RUNX1: variants seen among roughly 807,000 people sequenced by gnomAD.
The protein encoded by RUNX1 is runt-related transcription factor 1.
A neutral mutation model predicts 42.8 loss-of-function variants in RUNX1; 19 were observed. The observed-to-expected ratio is 0.44, with a 90% CI of 0.31 to 0.65. The LOEUF is 0.65. RUNX1 is among the 30% of genes least tolerant of loss of function. RUNX1 has a pLI of 0.07. For synonymous variants in RUNX1, 271 were observed against 289.4 expected, an observed-to-expected ratio of 0.94 and a Z score of 0.64; for missense variants, 528 against 672.0, an observed-to-expected ratio of 0.79 and a Z score of 2.37.
intron 2 of RUNX1, among the ~76,000 whole-genome samples, chr21:34,958,442 T>C (rs1355573749): frequency 6.6e-6 from 1 of 151,970 alleles, no homozygotes; most frequent in Non-Finnish European, 1.5e-5. Context: ...AAAAGACACA[T>C]GAAAAAATGC....
chr21:35,043,606 A>G (rs2059375719), intron 2 of RUNX1, among the ~76,000 whole-genome samples: 1 of 152,224 alleles, frequency 6.6e-6, no homozygotes, highest in South Asian at 2.1e-4. Flanking sequence ...GATGCATGTA[A>G]AGACTTCCAA....
rs1483304909 is a variant in RUNX1 at position 34,901,025 on chromosome 21, T to C, written c.59-8062A>G. On this transcript the variant is annotated intron_variant, in intron 2 of 8. Coordinates refer to ENST00000675419, the MANE Select transcript of RUNX1 (RefSeq NM_001754.5). This position sits in a 1 kb window ranked among gnomAD's most constrained non-coding sequence, Gnocchi z 4.3. ...CAATCTACCAGTTAAAACACAGTAATAGATCAATTCAGTGAGGGAGCTACT... is the reference window on the plus strand; with the variant it reads ...CAATCTACCAGTTAAAACACAGTAACAGATCAATTCAGTGAGGGAGCTACT... Among the ~76,000 whole-genome samples the C allele has an allele frequency of 6.6e-6, 1 of 152,190 alleles. No homozygotes were observed. The highest frequency in any genetic ancestry group is 1.5e-5 in the Non-Finnish European group (1 of 68,036).
At chr21:34,964,020 A>G (rs1601614083) in intron 2 of RUNX1, among the ~76,000 whole-genome samples, 1 of 152,080 alleles carries the variant, frequency 6.6e-6, no homozygotes, top group South Asian at 2.1e-4. Context: ...TCCAGGTTTT[A>G]CCCCTGTACT....
At chr21:34,863,550 C>CTTTTTTT (rs34743281) in intron 5 of RUNX1, among the ~76,000 whole-genome samples, 16 of 109,116 alleles carry the variant, frequency 1.5e-4, no homozygotes, top group Admixed American at 2.9e-4. Context: ...TCATGCCCAT[C>CTTTTTTT]TTTTTTTTTT....
intron 2 of RUNX1, among the ~76,000 whole-genome samples, chr21:34,914,547 T>C (rs2058297126): frequency 6.6e-6 from 1 of 152,070 alleles, no homozygotes; most frequent in Non-Finnish European, 1.5e-5. Flanking sequence ...CTGGGAGCTA[T>C]CACTCTGGCC....
chr21:34,980,749 G>A (rs1034284174), intron 2 of RUNX1, among the ~76,000 whole-genome samples: 14 of 152,126 alleles, frequency 9.2e-5, no homozygotes, highest in South Asian at 4.1e-4. Context: ...GTGAACAGCC[G>A]TTTCCAAAGA....
intron 7 of RUNX1, among the ~76,000 whole-genome samples, chr21:34,806,341 A>C (rs2056679394): frequency 6.6e-6 from 1 of 152,210 alleles, no homozygotes; most frequent in South Asian, 2.1e-4. Context: ...AGCGATGTTA[A>C]TTTTATACAA....
In RUNX1 at chr21:34,792,579, C is replaced by A. The variant is rs956885198; in HGVS notation, c.999G>T (p.Pro333=). ...TAPDLTAFSD[P]RQFPALPSIS... is the part of the protein sequence containing the mutation. ...TGGAGGGCAGCGCGGGGAACTGGCG[C>A]GGGTCGCTGAACGCTGTCAGGTCGG... The change falls in exon 9 of 9, where the codon CCG becomes CCT. Residue 333 remains proline, a synonymous_variant. Coordinates refer to ENST00000675419, the MANE Select transcript of RUNX1 (RefSeq NM_001754.5). This position sits in a 1 kb window ranked among gnomAD's most constrained non-coding sequence, Gnocchi z 6.9. 1.2e-6 allele frequency: 2 copies of A among 1,602,266 alleles called. No individual in the cohort carries two copies. The highest frequency in any genetic ancestry group is 1.7e-6 in the Non-Finnish European group (2 of 1,174,786).
chr21:35,013,538 G>A (rs1201759256), intron 2 of RUNX1, among the ~76,000 whole-genome samples: 1 of 152,104 alleles, frequency 6.6e-6, no homozygotes, highest in Non-Finnish European at 1.5e-5. Flanking sequence ...TTGGAGAGAA[G>A]TTACAATGAA....
chr21:34,882,351 A>G (rs769829293), intron 4 of RUNX1, among the ~76,000 whole-genome samples: 4 of 151,322 alleles, frequency 2.6e-5, no homozygotes, highest in Non-Finnish European at 4.4e-5. Flanking sequence ...ATGAGAGATG[A>G]ACATACTTCC....
intron 2 of RUNX1, among the ~76,000 whole-genome samples, chr21:34,908,921 T>TG (rs908668792): frequency 1.3e-5 from 2 of 152,086 alleles, no homozygotes; most frequent in African/African-American, 4.8e-5. Context: ...TATATTTTCT[T>TG]GGGGCTGGTG....
chr21:34,857,336 A>G (rs1278431380), intron 6 of RUNX1, among the ~76,000 whole-genome samples: 1 of 152,216 alleles, frequency 6.6e-6, no homozygotes, highest in Admixed American at 6.5e-5. Flanking sequence ...AGACCGTTAC[A>G]ATCGCATAGA....
intron 5 of RUNX1, among the ~76,000 whole-genome samples, chr21:34,871,776 T>G (rs371154732): frequency 6.6e-6 from 1 of 151,966 alleles, no homozygotes; most frequent in Non-Finnish European, 1.5e-5. Flanking sequence ...ATTTAGGGTA[T>G]GCAGACTGAG....
At chr21:34,853,375 T>C (rs1365487336) in intron 6 of RUNX1, among the ~76,000 whole-genome samples, 7 of 152,152 alleles carry the variant, frequency 4.6e-5, no homozygotes, top group African/African-American at 1.7e-4. Context: ...AAGAAAACTG[T>C]ATGTGACCCA....
chr21:34,981,424 A>G (rs922285050), intron 2 of RUNX1, among the ~76,000 whole-genome samples: 12 of 152,242 alleles, frequency 7.9e-5, no homozygotes, highest in Admixed American at 7.8e-4. Context: ...TAAACAAGAA[A>G]CATTGAGCAA....
At chr21:34,920,150 T>C (rs1197943529) in intron 2 of RUNX1, among the ~76,000 whole-genome samples, 1 of 152,178 alleles carries the variant, frequency 6.6e-6, no homozygotes, top group East Asian at 1.9e-4. Flanking sequence ...CCATACTATT[T>C]TACCAATTTT....
rs571313772 is a variant in RUNX1, at chr21:35,038,515, T to C, written c.58+10327A>G. On this transcript the variant is annotated intron_variant, in intron 2 of 8. Coordinates refer to ENST00000675419, the MANE Select transcript of RUNX1 (RefSeq NM_001754.5). ...CTAGAGAAAGCTTCCTTGAATTCAG[T>C]ACATCCTGGGGAGAAGTCCCAATGG... 3.7e-3 allele frequency: 1,675 copies of C among 455,630 alleles called. 7 individuals carry two copies. The highest frequency in any genetic ancestry group is 4.6e-3 in the Non-Finnish European group (1,035 of 226,828). The allele number at this position is 455,630 out of a possible 1,614,324, so 28.2% of individuals were successfully genotyped here.
chr21:34,862,680 AAGGACATC>A (rs2057594516), intron 5 of RUNX1, among the ~76,000 whole-genome samples: 1 of 152,076 alleles, frequency 6.6e-6, no homozygotes, highest in Admixed American at 6.6e-5. Flanking sequence ...CTCTTCTTAG[AAGGACATC>A]AGTCATTGGA....
chr21:34,840,692 C>T (rs558837183), intron 6 of RUNX1, among the ~76,000 whole-genome samples: 3 of 152,182 alleles, frequency 2.0e-5, no homozygotes, highest in Non-Finnish European at 2.9e-5. Flanking sequence ...CCCACCAGGT[C>T]GCCCAGCCTG....
Sources: gnomAD v4.1 joint callset for allele counts (sites outside exome capture counted in the v4.1 genomes callset) on GRCh38, gnomAD v4.1.1 for gene constraint, Gnocchi (gnomAD v3.1) non-coding constraint, MANE v1.5 for transcripts, NCBI Gene and HGNC (gene_info 2026-07-23, HGNC 2026-07-21) for gene names.